IL3RA: variants seen among roughly 807,000 people sequenced by gnomAD.
IL3RA encodes the protein interleukin-3 receptor subunit alpha.
A neutral mutation model predicts 52.3 loss-of-function variants in IL3RA; 73 were observed. The ratio of observed to expected loss-of-function variants is 1.40; its 90% confidence interval spans 1.16 to 1.70. IL3RA has a LOEUF of 1.70. IL3RA is among the 40% of genes most tolerant of loss of function. The probability of loss-of-function intolerance (pLI) is 0.00; values close to 1 mark genes in which losing one functional copy is unlikely to be tolerated. For synonymous variants in IL3RA, 260 were observed against 194.0 expected, an observed-to-expected ratio of 1.34 and a Z score of -2.83; for missense variants, 664 against 504.4, an observed-to-expected ratio of 1.32 and a Z score of -3.03.
intron 3 of IL3RA, among the ~76,000 whole-genome samples, chrX:1,345,712 G>A (rs1231388459): frequency 1.1e-4 from 16 of 151,760 alleles, no homozygotes; most frequent in African/African-American, 2.7e-4. Flanking sequence ...GGAGGGTCTC[G>A]ATCTCCTGAC....
intron 7 of IL3RA, among the ~76,000 whole-genome samples, chrX:1,357,344 CTGTTTGTT>C (rs112765040): frequency 0.045 from 6,888 of 151,520 alleles, 306 homozygotes; most frequent in African/African-American, 0.11. Context: ...GTCACCCAAG[CTGTTTGTT>C]TGTTTGTTTG....
chrX:1,378,801 T>TC (rs1249891539), intron 10 of IL3RA, 37 bp downstream of exon 10: 4 of 1,550,068 alleles, frequency 2.6e-6, no homozygotes, highest in Non-Finnish European at 3.6e-6. Context: ...GTCGCTTGTT[T>TC]CCAGTGTGAC....
intron 9 of IL3RA, among the ~76,000 whole-genome samples, chrX:1,376,635 G>C (rs1278316936): frequency 3.4e-5 from 5 of 148,718 alleles, no homozygotes; most frequent in Admixed American, 6.7e-5. Flanking sequence ...ACCCTGTGAG[G>C]ACACAGGGAG....
Position 1,365,271 on chromosome X carries a change from G to A in IL3RA, c.874+19G>A. The A allele has an allele frequency of 1.9e-6, 3 of 1,560,016 alleles. No homozygotes were observed. The highest frequency in any genetic ancestry group is 2.3e-5 in the East Asian group (1 of 43,648). ...CGCTTCGGTGAGTGGGCTGTGCGGG[G>A]TGCGCGGGGTGAGCGGGGTGAGCGG... On this transcript the variant is annotated intron_variant, in intron 9 of 11. Coordinates refer to ENST00000331035, the MANE Select transcript of IL3RA (RefSeq NM_002183.4).
intron 9 of IL3RA, among the ~76,000 whole-genome samples, chrX:1,376,658 C>T (rs2088753863): frequency 1.6e-5 from 1 of 61,964 alleles, no homozygotes; most frequent in Non-Finnish European, 3.7e-5. Flanking sequence ...GACGGCGTCT[C>T]CAAGCCCAGG....
chrX:1,352,121 C>G lies in IL3RA; in HGVS notation c.320C>G (p.Ala107Gly). ...PENSGKPWAG[A>G]ENLTCWIHDV... ...CCAGGTGGGAAGCCTTGGGCAGGTG[C>G]GGAGAATCTGACCTGCTGGATTCAT... Residue 107 changes from alanine to glycine, a missense_variant, in exon 5 of 12, where the codon GCG becomes GGG. Transcript: ENST00000331035. 2 of 1,613,776 alleles carry G rather than the reference C, an allele frequency of 1.2e-6. No individual in the cohort carries two copies. Among genetic ancestry groups the G allele is most frequent in the Non-Finnish European group, 1.7e-6 (2 of 1,179,798 alleles).
rs111331843 is a variant in IL3RA at position 1,349,077 on chromosome X, A to G, written c.298+532A>G. Among the ~76,000 whole-genome samples the G allele has an allele frequency of 6.3e-3, 938 of 149,892 alleles. 10 individuals are homozygous for G. The highest frequency in any genetic ancestry group is 0.022 in the African/African-American group (896 of 40,648). ...GGCTGGAGCGCAGTGGTGCAATCACAGCTTACTGCAGGCTTCACCTCCTGA... is the reference window on the plus strand; with the variant it reads ...GGCTGGAGCGCAGTGGTGCAATCACGGCTTACTGCAGGCTTCACCTCCTGA... On this transcript the variant is annotated intron_variant, in intron 4 of 11. Transcript: ENST00000331035.
chrX:1,362,438 CTT>C (rs771289499), intron 8 of IL3RA, among the ~76,000 whole-genome samples: 86 of 151,670 alleles, frequency 5.7e-4, no homozygotes, highest in African/African-American at 2.1e-3. Context: ...CTCTGTGTCT[CTT>C]TGTATCTCTG....
intron 3 of IL3RA, among the ~76,000 whole-genome samples, chrX:1,348,089 G>A (rs2085847054): frequency 6.7e-6 from 1 of 148,672 alleles, no homozygotes; most frequent in African/African-American, 2.5e-5. Context: ...GCTCACGCCT[G>A]TAATCCCAGC....
chrX:1,343,849 G>A (rs2085602230), intron 2 of IL3RA, among the ~76,000 whole-genome samples: 1 of 146,158 alleles, frequency 6.8e-6, no homozygotes, highest in Non-Finnish European at 1.5e-5. Context: ...AGGCTGGAGT[G>A]CAGTGGCACG....
chrX:1,349,004 C>G (rs1406302843), intron 4 of IL3RA, among the ~76,000 whole-genome samples: 2 of 149,014 alleles, frequency 1.3e-5, no homozygotes, highest in Non-Finnish European at 3.0e-5. Context: ...CCCTCCCTTC[C>G]CCTCCTCTCC....
At chrX:1,345,146 C>G (rs867672349) in intron 2 of IL3RA, among the ~76,000 whole-genome samples, 170 bp from the exon 3 acceptor site, 1 of 147,746 alleles carries the variant, frequency 6.8e-6, no homozygotes, top group Non-Finnish European at 1.5e-5. Context: ...CCAGCCAGGG[C>G]GACAAGAGTG....
chrX:1,363,912 G>A (rs1331743556), intron 8 of IL3RA, among the ~76,000 whole-genome samples: 1 of 152,010 alleles, frequency 6.6e-6, no homozygotes, highest in East Asian at 1.9e-4. Context: ...GCTGGGCGCG[G>A]TGGCTCACGC....
intron 9 of IL3RA, among the ~76,000 whole-genome samples, chrX:1,367,818 G>GGGGTGAGCGGGGTGCGCA (rs1569526996): frequency 5.4e-5 from 8 of 146,956 alleles, no homozygotes; most frequent in African/African-American, 2.0e-4. Context: ...CGGGGTGCGC[G>GGGGTGAGCGGGGTGCGCA]GGGTGAGCGG....
chrX:1,344,216 G>A (rs1410662743), intron 2 of IL3RA, among the ~76,000 whole-genome samples: 1 of 151,922 alleles, frequency 6.6e-6, no homozygotes, highest in Non-Finnish European at 1.5e-5. Context: ...GGCAGATCAT[G>A]TGAGGTTGGG....
At chrX:1,339,746 C>A (rs191703538) in intron 1 of IL3RA, among the ~76,000 whole-genome samples, 1 of 151,954 alleles carries the variant, frequency 6.6e-6, no homozygotes, top group Non-Finnish European at 1.5e-5. Flanking sequence ...GAACCAAGAT[C>A]GCGCCACTGC....
In IL3RA at chrX:1,341,753, A is replaced by G; in HGVS notation, c.-13A>G. ...CAGGCACCTCTGTCCTGCGTTCCGG[A>G]GCTGCGTTCCCGATGGTCCTCCTTT... On this transcript the variant is annotated 5_prime_UTR_variant, in exon 2 of 12. Transcript: ENST00000331035. The G allele has an allele frequency of 6.2e-7, 1 of 1,613,680 alleles. No individual in the cohort carries two copies. The highest frequency in any genetic ancestry group is 8.5e-7 in the Non-Finnish European group (1 of 1,179,768).
rs1464340515 is a variant in IL3RA, at chrX:1,347,678, CAGAA to C, written c.184-751_184-748del. Among the ~76,000 whole-genome samples the C allele has an allele frequency of 6.4e-4, 97 of 151,634 alleles. 2 individuals carry two copies. The highest frequency in any genetic ancestry group is 2.1e-3 in the African/African-American group (85 of 41,220). On this transcript the variant is annotated intron_variant, in intron 3 of 11. Transcript: ENST00000331035. ...CAAGAAAAAAACAAAGCAAAACAAACAGAAAAGTATTTCACTAATATTTACTGCT... is the reference window on the plus strand; with the variant it reads ...CAAGAAAAAAACAAAGCAAAACAAACAAGTATTTCACTAATATTTACTGCT...
chrX:1,357,344 CTGTT>C (rs112765040), intron 7 of IL3RA, among the ~76,000 whole-genome samples: 1,784 of 151,544 alleles, frequency 0.012, 19 homozygotes, highest in African/African-American at 0.028. Context: ...GTCACCCAAG[CTGTT>C]TGTTTGTTTG....
Sources: gnomAD v4.1 joint callset for allele counts (sites outside exome capture counted in the v4.1 genomes callset) on GRCh38, gnomAD v4.1.1 for gene constraint, MANE v1.5 for transcripts, NCBI Gene and HGNC (gene_info 2026-07-23, HGNC 2026-07-21) for gene names.